The following FRMD5 variants were observed in gnomAD, a reference collection of about 807,000 sequenced individuals.
FRMD5 encodes the protein FERM domain containing 5, also known as FERM domain-containing protein 5.
A neutral mutation model predicts 69.0 loss-of-function variants in FRMD5; 20 were observed. The observed-to-expected ratio is 0.29, with a 90% CI of 0.20 to 0.42. FRMD5 has a LOEUF of 0.42. Ranked by LOEUF, FRMD5 falls within the 10% of genes least tolerant of loss-of-function variation. The pLI is 1.00. For synonymous variants in FRMD5, 271 were observed against 260.1 expected (o/e 1.04, Z -0.40); for missense variants, 595 against 708.6 (o/e 0.84, Z 1.82).
At chr15:44,113,044 C>T (rs2076821715) in intron 1 of FRMD5, among the ~76,000 whole-genome samples, 1 of 152,188 alleles carries the variant, frequency 6.6e-6, no homozygotes, top group South Asian at 2.1e-4. Flanking sequence ...CTACATAAAA[C>T]CTTTCTTTAA....
chr15:44,045,293 G>C (rs1224269205), intron 1 of FRMD5, among the ~76,000 whole-genome samples: 1 of 152,180 alleles, frequency 6.6e-6, no homozygotes, highest in African/African-American at 2.4e-5. Context: ...ATTTGTCCTA[G>C]ATATTTTCCA....
At chr15:44,099,553 A>G (rs955122494) in intron 1 of FRMD5, among the ~76,000 whole-genome samples, 4 of 152,234 alleles carry the variant, frequency 2.6e-5, no homozygotes, top group Non-Finnish European at 4.4e-5. Context: ...AATGGAAGGA[A>G]GAAGTGAATT....
At chr15:44,196,772 CTCTT>C (rs1334269264), upstream of FRMD5, among the ~76,000 whole-genome samples, 19 of 141,020 alleles carry the variant, frequency 1.3e-4, no homozygotes, top group Non-Finnish European at 2.7e-4. Context: ...CTCTCTCTCT[CTCTT>C]CCTCCCCCTC....
At chr15:43,912,323 T>C (rs1345307369) in intron 4 of FRMD5, among the ~76,000 whole-genome samples, 1 of 152,108 alleles carries the variant, frequency 6.6e-6, no homozygotes, top group South Asian at 2.1e-4. Flanking sequence ...AGACATCATG[T>C]AGAGTGAATA....
intron 1 of FRMD5, among the ~76,000 whole-genome samples, chr15:44,048,161 T>C (rs1039757345): frequency 3.9e-5 from 6 of 152,238 alleles, no homozygotes; most frequent in Middle Eastern, 3.2e-3. Flanking sequence ...AAAGTGGCTA[T>C]ACCATTTTCT....
At chr15:43,958,207 C>T (rs938751674) in intron 1 of FRMD5, among the ~76,000 whole-genome samples, 6 of 152,078 alleles carry the variant, frequency 3.9e-5, no homozygotes. Flanking sequence ...AGATAAGCTG[C>T]CCATGTAGTT....
At chr15:44,003,817 T>C (rs1890319544) in intron 1 of FRMD5, among the ~76,000 whole-genome samples, 1 of 152,218 alleles carries the variant, frequency 6.6e-6, no homozygotes, top group Admixed American at 6.5e-5. Flanking sequence ...ATATACCATA[T>C]ATCATTTACT....
In FRMD5 at chr15:43,961,811, T is replaced by C. The variant is rs569051169; in HGVS notation, c.103-37502A>G. Among the ~76,000 whole-genome samples the C allele has an allele frequency of 2.6e-5, 4 of 152,270 alleles. No homozygotes were observed. The East Asian group carries it at 7.7e-4, about 29-fold the overall frequency. On this transcript the variant is annotated intron_variant, in intron 1 of 13. Coordinates refer to ENST00000417257, the MANE Select transcript of FRMD5 (RefSeq NM_032892.5). ...AGAACCAAAGACAAAAACCACATGA[T>C]TATCTCAATAGATGCAGAAAAGGCC...
intron 1 of FRMD5, among the ~76,000 whole-genome samples, chr15:44,100,350 C>T (rs1472733247): frequency 1.3e-5 from 2 of 152,030 alleles, no homozygotes; most frequent in African/African-American, 4.8e-5. Flanking sequence ...AGCCATCGTG[C>T]CAGGCCAACT....
chr15:43,924,483 A>G (rs962700368), intron 1 of FRMD5, among the ~76,000 whole-genome samples, 174 bp from the exon 2 acceptor site: 3 of 152,160 alleles, frequency 2.0e-5, no homozygotes, highest in Non-Finnish European at 1.5e-5. Flanking sequence ...TGGAATCCAG[A>G]GGCTTTTAGC....
chr15:43,964,277 T>C (rs182081465), intron 1 of FRMD5, among the ~76,000 whole-genome samples: 80 of 152,052 alleles, frequency 5.3e-4, no homozygotes, highest in African/African-American at 1.7e-3. Flanking sequence ...TGATGCCTTT[T>C]TCCGTGTTCA....
chr15:44,073,981 C>A (rs182637204), intron 1 of FRMD5, among the ~76,000 whole-genome samples: 1 of 152,140 alleles, frequency 6.6e-6, no homozygotes, highest in African/African-American at 2.4e-5. Flanking sequence ...TAATCCAACA[C>A]CATGTATTCT....
chr15:43,959,076 G>C (rs761589063), intron 1 of FRMD5, among the ~76,000 whole-genome samples: 3 of 152,150 alleles, frequency 2.0e-5, no homozygotes, highest in Non-Finnish European at 4.4e-5. Flanking sequence ...AGATTACTGT[G>C]CTTTCTTACA....
intron 1 of FRMD5, among the ~76,000 whole-genome samples, chr15:44,092,575 A>G (rs546468303): frequency 6.6e-6 from 1 of 152,316 alleles, no homozygotes; most frequent in South Asian, 2.1e-4. Flanking sequence ...CAATGGAATT[A>G]AGTGTAATTT....
At chr15:43,917,703 G>A (rs946576530) in intron 4 of FRMD5, 1 of 152,178 alleles carries the variant, frequency 6.6e-6, no homozygotes, top group Admixed American at 6.6e-5. Context: ...TAAACATAGT[G>A]GTTCTACCCT....
intron 7 of FRMD5, among the ~76,000 whole-genome samples, chr15:43,893,962 ATTG>A (rs1181113385): frequency 2.0e-5 from 3 of 152,342 alleles, no homozygotes; most frequent in Non-Finnish European, 4.4e-5. Flanking sequence ...CAATTAATGT[ATTG>A]TTGTTATTAT....
intron 13 of FRMD5, among the ~76,000 whole-genome samples, chr15:43,881,823 C>T (rs1248797395): frequency 1.3e-5 from 2 of 152,300 alleles, no homozygotes; most frequent in South Asian, 4.1e-4. Flanking sequence ...ACTTTGGTAA[C>T]ATGGAATCTC....
chr15:43,983,507 CA>C (rs780714704), intron 1 of FRMD5, among the ~76,000 whole-genome samples: 16 of 152,246 alleles, frequency 1.1e-4, no homozygotes, highest in Admixed American at 1.3e-4. Context: ...CTGTCTCCTC[CA>C]AAAGTCTGTT....
intron 1 of FRMD5, among the ~76,000 whole-genome samples, chr15:44,147,306 G>A (rs1437888983): frequency 6.6e-6 from 1 of 152,104 alleles, no homozygotes; most frequent in Non-Finnish European, 1.5e-5. Context: ...TGTGGATGAT[G>A]TGCAGTCTTA....
Sources: gnomAD v4.1 joint callset for allele counts (sites outside exome capture counted in the v4.1 genomes callset) on GRCh38, gnomAD v4.1.1 for gene constraint, MANE v1.5 for transcripts, NCBI Gene and HGNC (gene_info 2026-07-23, HGNC 2026-07-21) for gene names.